LYRM9: variants seen among roughly 807,000 people sequenced by gnomAD.
The protein encoded by LYRM9 is LYR motif-containing protein 9.
Under a neutral mutation model 12.6 loss-of-function variants are expected in LYRM9, and 14 were observed. The observed-to-expected ratio is 1.11, with a 90% CI of 0.73 to 1.73. LYRM9 has a LOEUF of 1.73. Ranked by LOEUF, LYRM9 falls within the 40% of genes most tolerant of loss-of-function variation. The probability of loss-of-function intolerance (pLI) is 0.00; values close to 1 mark genes in which losing one functional copy is unlikely to be tolerated. For synonymous variants in LYRM9, 42 were observed against 35.1 expected (o/e 1.20, Z -0.69); for missense variants, 94 against 95.0 (o/e 0.99, Z 0.04).
chr17:27,892,733 A>G, intron 1 of LYRM9: 1 of 257,254 alleles, frequency 3.9e-6, no homozygotes, highest in South Asian at 4.0e-5. Context: ...ACAGCTGCAC[A>G]ACTCTGCAAA....
chr17:27,888,239 G>C (rs967939948), intron 1 of LYRM9, among the ~76,000 whole-genome samples: 2 of 152,128 alleles, frequency 1.3e-5, no homozygotes, highest in African/African-American at 4.8e-5. Context: ...CAGCTCTGTG[G>C]TCTGGCATCT....
At chr17:27,883,107 G>A (rs780413371) in intron 1 of LYRM9, 3 of 461,402 alleles carry the variant, frequency 6.5e-6, no homozygotes, top group South Asian at 4.7e-5. Context: ...AGCCACAGAG[G>A]GGAGAATGCC....
chr17:27,885,448 C>T (rs991852804), intron 1 of LYRM9, among the ~76,000 whole-genome samples: 3 of 152,056 alleles, frequency 2.0e-5, no homozygotes, highest in Non-Finnish European at 4.4e-5. Flanking sequence ...TGATGGCTCA[C>T]GCCTGTAATC....
Position 27,879,108 on chromosome 17 carries a change from T to C in LYRM9, c.*365A>G, listed in dbSNP as rs756848230. 3 of 217,182 alleles carry C rather than the reference T, an allele frequency of 1.4e-5. No homozygotes were observed. Among genetic ancestry groups the C allele is most frequent in the African/African-American group, 4.7e-5 (2 of 42,538 alleles). The allele number at this position is 217,182 out of a possible 1,614,324, so 13.5% of individuals were successfully genotyped here. ...ACCCACGTGCTTTCTTCTGTACAGGTTGCTACCTGAGGGGACATCTGCTCT... is the reference window on the plus strand; with the variant it reads ...ACCCACGTGCTTTCTTCTGTACAGGCTGCTACCTGAGGGGACATCTGCTCT... On this transcript the variant is annotated 3_prime_UTR_variant, in exon 4 of 4. Coordinates refer to ENST00000379102, the MANE Select transcript of LYRM9 (RefSeq NM_001076680.3).
chr17:27,879,982 T>C (rs939999211), intron 3 of LYRM9: 5 of 640,744 alleles, frequency 7.8e-6, no homozygotes, highest in African/African-American at 1.8e-5. Context: ...TCTGGCACTA[T>C]AGCTTTCCCT....
At chr17:27,892,446 A>G (rs1416192653) in intron 1 of LYRM9, 2 of 454,636 alleles carry the variant, frequency 4.4e-6, no homozygotes, top group Non-Finnish European at 8.8e-6. Context: ...TTCCCAAGTT[A>G]CCAGAGGAAA....
chr17:27,892,375 G>A (rs953528620), intron 1 of LYRM9: 19 of 454,822 alleles, frequency 4.2e-5, no homozygotes, highest in Non-Finnish European at 7.1e-5. Context: ...ACGGTTATTA[G>A]TCACTCCTCC....
intron 1 of LYRM9, among the ~76,000 whole-genome samples, chr17:27,887,615 G>C (rs1669244551): frequency 6.6e-6 from 1 of 152,166 alleles, no homozygotes; most frequent in African/African-American, 2.4e-5. Flanking sequence ...TGCTGTGTTT[G>C]CCTGTTATGG....
At chr17:27,881,820 T>G (rs1243922627) in intron 2 of LYRM9, among the ~76,000 whole-genome samples, 2 of 152,184 alleles carry the variant, frequency 1.3e-5, no homozygotes, top group Non-Finnish European at 2.9e-5. Flanking sequence ...TTCATTTTTT[T>G]TTTTTGAGGC....
At chr17:27,889,054 A>G (rs1567665731) in intron 1 of LYRM9, among the ~76,000 whole-genome samples, 1 of 152,102 alleles carries the variant, frequency 6.6e-6, no homozygotes, top group Non-Finnish European at 1.5e-5. Flanking sequence ...GTCGCCTCTC[A>G]AAGTGTCTCT....
chr17:27,879,535 G>C, intron 3 of LYRM9, 45 bp from the exon 4 acceptor site: 5 of 1,546,622 alleles, frequency 3.2e-6, no homozygotes, highest in Non-Finnish European at 4.4e-6. Context: ...AGCCAACAGG[G>C]GCAGGAGGAC....
intron 1 of LYRM9, chr17:27,891,863 C>G (rs118068459): frequency 1.6e-3 from 237 of 152,110 alleles, no homozygotes; most frequent in Middle Eastern, 3.4e-3. Context: ...TTGTAAAGAC[C>G]AACCTAGCTA....
chr17:27,879,144 G>C lies in LYRM9; in HGVS notation c.*329C>G, dbSNP rs939583281. 3.0e-5 allele frequency: 8 copies of C among 264,790 alleles called. No homozygotes were observed. Among genetic ancestry groups the C allele is most frequent in the Non-Finnish European group, 5.8e-5 (8 of 138,186 alleles). 16.4% of individuals were successfully genotyped at this position (264,790 alleles called of 1,614,324 possible). A position where few individuals can be genotyped will look rare whatever the true frequency, so the allele number is the denominator to read the frequency against. ...GGGGACATCTGCTCTGGGACTCAGA[G>C]AATGATAAAGAGATCTCCAGAATAA... is the stretch of plus-strand genomic sequence containing the variant. On this transcript the variant is annotated 3_prime_UTR_variant, in exon 4 of 4. Coordinates refer to ENST00000379102, the MANE Select transcript of LYRM9 (RefSeq NM_001076680.3).
chr17:27,879,926 G>A (rs555914174), intron 3 of LYRM9: 17 of 595,780 alleles, frequency 2.9e-5, no homozygotes, highest in African/African-American at 9.3e-5. Flanking sequence ...GGAGTCCCCC[G>A]CCAGGACAGC....
Position 27,882,533 on chromosome 17 carries a change from G to A in LYRM9, c.126+36C>T, listed in dbSNP as rs544753607. 3.7e-5 allele frequency: 56 copies of A among 1,529,710 alleles called. No homozygotes were observed. The South Asian group carries it at 6.7e-4, about 18-fold the overall frequency. The allele number at this position is 1,529,710 out of a possible 1,614,324, so 94.8% of individuals were successfully genotyped here. On this transcript the variant is annotated intron_variant, in intron 2 of 3. Coordinates refer to ENST00000379102, the MANE Select transcript of LYRM9 (RefSeq NM_001076680.3). ...ACCTGCGCCCCTAAGCCTGCCATTA[G>A]AGGCAGCCCCCAGACCTGGTAGAGC...
At position 27,882,759 on chromosome 17, in the gene LYRM9, T is replaced by C; in HGVS notation, c.-18-47A>G. 4.6e-6 allele frequency: 7 copies of C among 1,511,896 alleles called. No individual in the cohort carries two copies. In the South Asian group the frequency reaches 5.3e-5, roughly 11 times the overall value. The allele number at this position is 1,511,896 out of a possible 1,614,324, so 93.7% of individuals were successfully genotyped here. A position where few individuals can be genotyped will look rare whatever the true frequency, so the allele number is the denominator to read the frequency against. On this transcript the variant is annotated intron_variant, in intron 1 of 3. Coordinates refer to ENST00000379102, the MANE Select transcript of LYRM9 (RefSeq NM_001076680.3). Reference sequence around the variant, plus strand: ...TTCCAGGGCATCAAGCCAAGTTCAGTACTCAGCCCTGACCCCCAGTTCCCA... The same window carrying C: ...TTCCAGGGCATCAAGCCAAGTTCAGCACTCAGCCCTGACCCCCAGTTCCCA...
chr17:27,883,176 C>G (rs1359852670), intron 1 of LYRM9: 1 of 360,054 alleles, frequency 2.8e-6, no homozygotes, highest in Admixed American at 3.6e-5. Context: ...CCCACAGCAT[C>G]GGGAGCTCAT....
At position 27,879,336 on chromosome 17, in the gene LYRM9, G is replaced by T; in HGVS notation, c.*137C>A. On this transcript the variant is annotated 3_prime_UTR_variant, in exon 4 of 4. Transcript: ENST00000379102. ...GGCCGCGGCAAGAGGAGCCTCTGGA[G>T]CAAGGTCAGCTTCTCCCCTGATTTC... is the stretch of plus-strand genomic sequence containing the variant. 2 of 897,750 alleles carry T rather than the reference G, an allele frequency of 2.2e-6. No homozygotes were observed. Among genetic ancestry groups the T allele is most frequent in the Non-Finnish European group, 1.6e-6 (1 of 626,576 alleles). The allele number at this position is 897,750 out of a possible 1,614,324, so 55.6% of individuals were successfully genotyped here.
At chr17:27,880,797 G>C in intron 2 of LYRM9, 5 of 185,668 alleles carry the variant, frequency 2.7e-5, no homozygotes, top group South Asian at 2.4e-4. Context: ...CCCAGTGCTA[G>C]GAGAGCTACA....
Sources: gnomAD v4.1 joint callset for allele counts (sites outside exome capture counted in the v4.1 genomes callset) on GRCh38, gnomAD v4.1.1 for gene constraint, MANE v1.5 for transcripts, NCBI Gene and HGNC (gene_info 2026-07-23, HGNC 2026-07-21) for gene names.